The following THSD7B variants were observed in gnomAD, a reference collection of about 807,000 sequenced individuals.
The protein encoded by THSD7B is thrombospondin type-1 domain-containing protein 7B.
A neutral mutation model predicts 213.6 loss-of-function variants in THSD7B; 138 were observed. That is an observed-to-expected ratio of 0.65 (90% CI 0.56 to 0.74). THSD7B has a LOEUF of 0.74. Ranked by LOEUF, THSD7B falls within the 30% of genes least tolerant of loss-of-function variation. The pLI, the probability that THSD7B is intolerant of heterozygous loss-of-function variation, is 0.00. For missense variants in THSD7B, 1,931 were observed against 1,991.5 expected (o/e 0.97, Z 0.58); for synonymous variants, 742 against 687.0 (o/e 1.08, Z -1.25).
chr2:137,565,200 T>C (rs1179424259), intron 16 of THSD7B, among the ~76,000 whole-genome samples: 2 of 152,198 alleles, frequency 1.3e-5, no homozygotes, highest in African/African-American at 4.8e-5. Flanking sequence ...GTCATTTAAG[T>C]GACCCAGTCT....
chr2:136,971,122 G>A (rs1392741615), intron 2 of THSD7B, among the ~76,000 whole-genome samples: 1 of 152,062 alleles, frequency 6.6e-6, no homozygotes, highest in African/African-American at 2.4e-5. Context: ...ATAGGAATAA[G>A]ACAAATAAAG....
intron 14 of THSD7B, among the ~76,000 whole-genome samples, chr2:137,417,295 C>T (rs1428933525): frequency 6.6e-6 from 1 of 152,144 alleles, no homozygotes; most frequent in African/African-American, 2.4e-5. Context: ...ATTTCTCTTA[C>T]AACTCTATAT....
chr2:136,782,596 A>G (rs1681762680), intron 1 of THSD7B, among the ~76,000 whole-genome samples: 1 of 151,992 alleles, frequency 6.6e-6, no homozygotes, highest in South Asian at 2.1e-4. Context: ...AGAGAGTAGA[A>G]TGGTGGTTAC....
intron 14 of THSD7B, among the ~76,000 whole-genome samples, chr2:137,412,893 C>CCTT (rs1686700652): frequency 7.1e-6 from 1 of 140,156 alleles, no homozygotes; most frequent in African/African-American, 2.6e-5. Context: ...TTCTTTCTTT[C>CCTT]TTTTTTTTTT....
chr2:137,068,551 A>AT (rs938698085), intron 3 of THSD7B, among the ~76,000 whole-genome samples: 14 of 152,000 alleles, frequency 9.2e-5, no homozygotes, highest in Non-Finnish European at 1.9e-4. Flanking sequence ...CTCTACCAGG[A>AT]TTTTTTTGCT....
At chr2:137,508,789 G>C (rs1679896087) in intron 15 of THSD7B, among the ~76,000 whole-genome samples, 1 of 152,050 alleles carries the variant, frequency 6.6e-6, no homozygotes, top group African/African-American at 2.4e-5. Flanking sequence ...AAACTTATGG[G>C]TTGGAGCACC....
intron 17 of THSD7B, among the ~76,000 whole-genome samples, chr2:137,611,891 C>A (rs1224218219): frequency 6.6e-6 from 1 of 152,064 alleles, no homozygotes; most frequent in African/African-American, 2.4e-5. Flanking sequence ...AAACTCCAGA[C>A]TATAAAAAGA....
At chr2:136,937,362 C>T (rs888054645) in intron 2 of THSD7B, among the ~76,000 whole-genome samples, 7 of 151,956 alleles carry the variant, frequency 4.6e-5, no homozygotes, top group Admixed American at 2.0e-4. Context: ...AGACAGTCCT[C>T]ATCAATCTTC....
At chr2:137,610,463 AC>A (rs1179280070) in intron 17 of THSD7B, among the ~76,000 whole-genome samples, 1 of 151,904 alleles carries the variant, frequency 6.6e-6, no homozygotes, top group Non-Finnish European at 1.5e-5. Context: ...CTGCTGGAGT[AC>A]CCCCTTCGGT....
chr2:136,965,418 G>T (rs897821923), intron 2 of THSD7B, among the ~76,000 whole-genome samples: 1 of 152,222 alleles, frequency 6.6e-6, no homozygotes, highest in Non-Finnish European at 1.5e-5. Context: ...GAGGATCAGA[G>T]AAGTCCTCAC....
Position 136,903,920 on chromosome 2 carries a change from T to G in THSD7B, c.139+21603T>G, listed in dbSNP as rs200206840. Among the ~76,000 whole-genome samples the G allele has an allele frequency of 1.4e-3, 196 of 135,592 alleles. 1 individual carries two copies. Among genetic ancestry groups the G allele is most frequent in the Middle Eastern group, 3.7e-3 (1 of 268 alleles). The allele number at this position is 135,592 out of a possible 152,430, so 89.0% of individuals were successfully genotyped here. A position where few individuals can be genotyped will look rare whatever the true frequency, so the allele number is the denominator to read the frequency against. On this transcript the variant is annotated intron_variant, in intron 2 of 27. Transcript: ENST00000409968. ...TTCTCAGTACCCAGCAGAGTCTTCCTGTGAGGTGTGTGTGTGTGTGTGTGT... is the reference window on the plus strand; with the variant it reads ...TTCTCAGTACCCAGCAGAGTCTTCCGGTGAGGTGTGTGTGTGTGTGTGTGT...
chr2:137,309,230 G>A (rs1233992209), intron 12 of THSD7B, among the ~76,000 whole-genome samples: 2 of 151,862 alleles, frequency 1.3e-5, no homozygotes, highest in Non-Finnish European at 2.9e-5. Flanking sequence ...GAATTTCTTT[G>A]ATTGCTATTA....
intron 2 of THSD7B, among the ~76,000 whole-genome samples, chr2:137,013,675 G>A (rs943640621): frequency 1.3e-5 from 2 of 151,916 alleles, no homozygotes; most frequent in South Asian, 2.1e-4. Flanking sequence ...TCCCTTTTGG[G>A]GTGCCTACCA....
At chr2:137,266,809 C>T (rs935737512) in intron 10 of THSD7B, among the ~76,000 whole-genome samples, 2 of 152,168 alleles carry the variant, frequency 1.3e-5, no homozygotes, top group Non-Finnish European at 2.9e-5. Flanking sequence ...TCAGCCAGTG[C>T]CTATGTTCAC....
intron 9 of THSD7B, among the ~76,000 whole-genome samples, chr2:137,240,324 A>G (rs1042676878): frequency 1.1e-4 from 17 of 152,238 alleles, no homozygotes; most frequent in African/African-American, 4.1e-4. Context: ...TGTTTCTAAA[A>G]TGTTAACACT....
rs185217111 is a variant in THSD7B, at chr2:137,025,258, G to A, written c.140-31162G>A. ...CATAAAATTGGTCTATATCTTAAGA[G>A]TTTTGTGTGTGCCACGATTTTGGCC... On this transcript the variant is annotated intron_variant, in intron 2 of 27. Transcript: ENST00000409968. Among the ~76,000 whole-genome samples, 85 of 152,174 alleles carry A rather than the reference G, an allele frequency of 5.6e-4. 1 individual carries two copies. Among genetic ancestry groups the A allele is most frequent in the African/African-American group, 2.0e-3 (82 of 41,526 alleles).
intron 1 of THSD7B, among the ~76,000 whole-genome samples, chr2:136,797,903 C>A (rs936448367): frequency 1.3e-5 from 2 of 151,970 alleles, no homozygotes; most frequent in Non-Finnish European, 2.9e-5. Context: ...GGTGAATTTT[C>A]TGTCCTGCTG....
At chr2:137,143,937 G>C (rs1679641721) in intron 5 of THSD7B, among the ~76,000 whole-genome samples, 1 of 151,544 alleles carries the variant, frequency 6.6e-6, no homozygotes, top group Non-Finnish European at 1.5e-5. Context: ...TTTTTTTCCA[G>C]CTTTTAATTA....
chr2:137,366,737 A>C (rs1036072651), intron 12 of THSD7B, among the ~76,000 whole-genome samples: 4 of 152,148 alleles, frequency 2.6e-5, no homozygotes, highest in African/African-American at 7.2e-5. Context: ...TGTTATAAAA[A>C]ATATTTTGAG....
Sources: gnomAD v4.1 joint callset for allele counts (sites outside exome capture counted in the v4.1 genomes callset) on GRCh38, gnomAD v4.1.1 for gene constraint, MANE v1.5 for transcripts, NCBI Gene and HGNC (gene_info 2026-07-23, HGNC 2026-07-21) for gene names.